Variants in BCLAF1 observed in about 807,000 individuals in gnomAD.
BCLAF1 encodes the protein bcl-2-associated transcription factor 1.
BCLAF1 carries 10 observed loss-of-function variants against 99.5 expected under a neutral mutation model. The observed-to-expected ratio is 0.10, with a 90% CI of 0.06 to 0.17. The LOEUF (loss-of-function observed/expected upper bound fraction) is 0.17, where lower values mean the gene tolerates loss of function less well. Among genes scored for constraint, BCLAF1 ranks in the 10% least tolerant of loss-of-function variants. BCLAF1 has a pLI of 1.00. For synonymous variants in BCLAF1, 255 were observed against 370.9 expected (o/e 0.69, Z 3.59); for missense variants, 636 against 1,105.8 (o/e 0.58, Z 6.02).
Position 136,256,879 on chromosome 6 carries a change from TTTTA to T in BCLAF1, c.*4227_*4230del, listed in dbSNP as rs1780509129. 6.6e-6 allele frequency: 1 copy of T among 152,160 alleles called. No homozygotes were observed. The highest frequency in any genetic ancestry group is 1.5e-5 in the Non-Finnish European group (1 of 68,042). The allele number at this position is 152,160 out of a possible 1,614,324, so 9.4% of individuals were successfully genotyped here. On this transcript the variant is annotated 3_prime_UTR_variant, in exon 13 of 13. Transcript: ENST00000531224. ...ACTATTCTGGAGGGTGAGTGGTATT[TTTTA>T]TTTATTGTTGCTCTTCGCATTCCAT... is the stretch of plus-strand genomic sequence containing the variant.
rs765557987 is a variant in BCLAF1 at position 136,261,073 on chromosome 6, G to C, written c.*37C>G. 83 of 1,541,526 alleles carry C rather than the reference G, an allele frequency of 5.4e-5. No individual in the cohort carries two copies. The highest frequency in any genetic ancestry group is 7.0e-5 in the African/African-American group (5 of 71,430). The stretch of plus-strand genomic sequence containing the variant: ...AAATCAGGTAAAAAAAATGGTGGGT[G>C]CAAGTTCTGCTCTGTTGTAATCTTA... On this transcript the variant is annotated 3_prime_UTR_variant, in exon 13 of 13. Coordinates refer to ENST00000531224, the MANE Select transcript of BCLAF1 (RefSeq NM_014739.3).
chr6:136,275,753 T>C (rs1457072310), intron 5 of BCLAF1, 52 bp from the exon 6 acceptor site: 33 of 1,559,352 alleles, frequency 2.1e-5, no homozygotes, highest in Non-Finnish European at 2.8e-5. Flanking sequence ...TTGGTTTAAA[T>C]ATAAAAATGG....
intron 1 of BCLAF1, among the ~76,000 whole-genome samples, chr6:136,286,314 T>C (rs1388502013): frequency 6.6e-6 from 1 of 152,214 alleles, no homozygotes; most frequent in Non-Finnish European, 1.5e-5. Flanking sequence ...ATTATTCCAG[T>C]AGTCTAGATT....
intron 1 of BCLAF1, among the ~76,000 whole-genome samples, chr6:136,284,786 G>C (rs866952532): frequency 5.9e-5 from 9 of 152,074 alleles, no homozygotes; most frequent in African/African-American, 2.2e-4. Context: ...GAGAGGGGAA[G>C]ACAGAAAACA....
intron 9 of BCLAF1, 192 bp from the exon 10 acceptor site, chr6:136,268,531 A>G: frequency 1.8e-6 from 1 of 566,270 alleles, no homozygotes; most frequent in Non-Finnish European, 3.1e-6. Flanking sequence ...TTACATCAAT[A>G]ATGAAAAACA....
chr6:136,264,108 CCAACT>C (rs1781398393), intron 11 of BCLAF1, among the ~76,000 whole-genome samples: 1 of 152,076 alleles, frequency 6.6e-6, no homozygotes, highest in African/African-American at 2.4e-5. Flanking sequence ...AATAATGGCC[CCAACT>C]CAAAAGCCTT....
intron 11 of BCLAF1, among the ~76,000 whole-genome samples, chr6:136,262,447 T>C (rs1016245593): frequency 5.3e-5 from 8 of 152,166 alleles, no homozygotes; most frequent in African/African-American, 1.9e-4. Context: ...TTACGTAATA[T>C]GGCATATGAG....
intron 1 of BCLAF1, among the ~76,000 whole-genome samples, chr6:136,283,178 CAAAAAAAAAAAAAAA>C (rs1173234336): frequency 2.6e-3 from 134 of 52,054 alleles, no homozygotes; most frequent in Non-Finnish European, 3.6e-3. Flanking sequence ...GACCCCATCT[CAAAAAAAAAAAAAAA>C]AAAAAAAAAA....
Position 136,261,097 on chromosome 6 carries a change from T to A in BCLAF1, c.*13A>T. On this transcript the variant is annotated 3_prime_UTR_variant, in exon 13 of 13. Coordinates refer to ENST00000531224, the MANE Select transcript of BCLAF1 (RefSeq NM_014739.3). ...TGCAAGTTCTGCTCTGTTGTAATCT[T>A]ACTTCATATTTATTATTCCTAAAAG... is the stretch of plus-strand genomic sequence containing the variant. The A allele has an allele frequency of 6.3e-7, 1 of 1,575,984 alleles. No homozygotes were observed. The highest frequency in any genetic ancestry group is 8.6e-7 in the Non-Finnish European group (1 of 1,162,320).
intron 1 of BCLAF1, among the ~76,000 whole-genome samples, chr6:136,286,487 A>C (rs2128493391): frequency 6.6e-6 from 1 of 152,350 alleles, no homozygotes; most frequent in East Asian, 1.9e-4. Flanking sequence ...AAGGCATGTA[A>C]ACAGCTTAGT....
rs1422949040 is a variant in BCLAF1 at position 136,256,798 on chromosome 6, A to C, written c.*4312T>G. 6.6e-6 allele frequency: 1 copy of C among 152,376 alleles called. No individual in the cohort carries two copies. The highest frequency in any genetic ancestry group is 2.4e-5 in the African/African-American group (1 of 41,474). 9.4% of individuals were successfully genotyped at this position (152,376 alleles called of 1,614,324 possible). On this transcript the variant is annotated 3_prime_UTR_variant, in exon 13 of 13. Coordinates refer to ENST00000531224, the MANE Select transcript of BCLAF1 (RefSeq NM_014739.3). ...AAAGTTTAGTTTTCCCTTCTAGTAC[A>C]AATGAGACTGAAAAATTATTTTCCA...
At chr6:136,272,150 TC>T (rs1219478069) in intron 7 of BCLAF1, 71 bp from the exon 8 acceptor site, 1 of 1,078,392 alleles carries the variant, frequency 9.3e-7, no homozygotes, top group African/African-American at 1.6e-5. Context: ...CACACGATTA[TC>T]CATTTTCCTA....
intron 11 of BCLAF1, among the ~76,000 whole-genome samples, chr6:136,263,960 AC>A (rs562985981): frequency 6.6e-6 from 1 of 152,196 alleles, no homozygotes; most frequent in Non-Finnish European, 1.5e-5. Flanking sequence ...GTATTGGACA[AC>A]AAATAGTACA....
At chr6:136,276,943 C>T (rs1193214455) in intron 4 of BCLAF1, among the ~76,000 whole-genome samples, 1 of 152,120 alleles carries the variant, frequency 6.6e-6, no homozygotes, top group Non-Finnish European at 1.5e-5. Context: ...GATTTAATTA[C>T]CACTGCAGTA....
intron 1 of BCLAF1, among the ~76,000 whole-genome samples, chr6:136,288,673 A>T (rs546912992): frequency 3.3e-5 from 5 of 152,366 alleles, no homozygotes; most frequent in South Asian, 2.1e-4. Flanking sequence ...AATGCTTTTT[A>T]AAAAAGTCTG....
chr6:136,281,169 T>C (rs997509123), intron 2 of BCLAF1, among the ~76,000 whole-genome samples: 1 of 152,320 alleles, frequency 6.6e-6, no homozygotes, highest in South Asian at 2.1e-4. Context: ...TATCCTCTAA[T>C]AGACTACCAC....
intron 7 of BCLAF1, 121 bp from the exon 8 acceptor site, chr6:136,272,200 C>A: frequency 3.2e-6 from 2 of 626,748 alleles, no homozygotes; most frequent in South Asian, 2.4e-5. Flanking sequence ...ATTTAGCACA[C>A]CAAGACTATT....
Position 136,272,055 on chromosome 6 carries a change from G to C in BCLAF1, c.1983C>G (p.Thr661=). 1 of 1,600,584 alleles carries C rather than the reference G, an allele frequency of 6.2e-7. No homozygotes were observed. Among genetic ancestry groups the C allele is most frequent in the Non-Finnish European group, 8.5e-7 (1 of 1,171,740 alleles). Residue 661 remains threonine, a synonymous_variant, in exon 8 of 13, where the codon ACC becomes ACG. Coordinates refer to ENST00000531224, the MANE Select transcript of BCLAF1 (RefSeq NM_014739.3). Reference sequence around the variant, plus strand: ...CTGCTAAACGGGTATGCTTCCTCAGGGTACTTGGTGAGATGTCAATTCTCC... The same window carrying C: ...CTGCTAAACGGGTATGCTTCCTCAGCGTACTTGGTGAGATGTCAATTCTCC... ...IHRRIDISPS[T]LRKHTRLAGE...
chr6:136,288,810 C>T (rs1160478932), intron 1 of BCLAF1, among the ~76,000 whole-genome samples: 1 of 152,246 alleles, frequency 6.6e-6, no homozygotes, highest in Admixed American at 6.5e-5. Flanking sequence ...CCATTTCTCA[C>T]ACCAGCTGTC....
Sources: gnomAD v4.1 joint callset for allele counts (sites outside exome capture counted in the v4.1 genomes callset) on GRCh38, gnomAD v4.1.1 for gene constraint, MANE v1.5 for transcripts, NCBI Gene and HGNC (gene_info 2026-07-23, HGNC 2026-07-21) for gene names.